Variants in INPP4A observed in about 807,000 individuals in gnomAD.
INPP4A encodes inositol polyphosphate-4-phosphatase, type I, 107kD.
INPP4A carries 33 observed loss-of-function variants against 119.8 expected under a neutral mutation model. The ratio of observed to expected loss-of-function variants is 0.28; its 90% CI spans 0.21 to 0.37. The LOEUF is 0.37. INPP4A is among the 10% of genes least tolerant of loss of function. The probability of loss-of-function intolerance (pLI) is 1.00; values close to 1 mark genes in which losing one functional copy is unlikely to be tolerated. For synonymous variants in INPP4A, 496 were observed against 500.7 expected, an observed-to-expected ratio of 0.99 and a Z score of 0.12; for missense variants, 956 against 1,289.9, an observed-to-expected ratio of 0.74 and a Z score of 3.97.
rs1700203330 is a variant in INPP4A at position 98,589,249 on chromosome 2, G to C, written c.*1641G>C. On this transcript the variant is annotated 3_prime_UTR_variant, in exon 25 of 25. Transcript: ENST00000409851. ...CCTGCCCGCCAAACCCACTGCACAG[G>C]TGGCTGCTGCTGGTATCAGATTCTC... The C allele has an allele frequency of 5.5e-6, 1 of 183,300 alleles. No individual in the cohort carries two copies. The highest frequency in any genetic ancestry group is 2.0e-4 in the South Asian group (1 of 5,112). 11.4% of individuals were successfully genotyped at this position (183,300 alleles called of 1,614,324 possible). A position where few individuals can be genotyped will look rare whatever the true frequency, so the allele number is the denominator to read the frequency against.
chr2:98,465,308 C>T (rs1674508900), intron 1 of INPP4A, among the ~76,000 whole-genome samples: 1 of 152,216 alleles, frequency 6.6e-6, no homozygotes, highest in African/African-American at 2.4e-5. Flanking sequence ...AGGGTAACAT[C>T]TTCTCTCCGT....
chr2:98,452,530 G>T (rs1224704724), intron 1 of INPP4A, among the ~76,000 whole-genome samples: 1 of 152,200 alleles, frequency 6.6e-6, no homozygotes, highest in Non-Finnish European at 1.5e-5. Context: ...CGGGGAGGAG[G>T]TTAGGTCCTA....
chr2:98,539,730 C>T (rs1691034189), intron 10 of INPP4A, 55 bp downstream of exon 10: 5 of 1,542,654 alleles, frequency 3.2e-6, no homozygotes, highest in Non-Finnish European at 4.4e-6. Context: ...TGTGCCCCTT[C>T]CTTTCTGAGA....
chr2:98,506,688 T>C (rs1364559438), intron 1 of INPP4A, among the ~76,000 whole-genome samples: 1 of 152,182 alleles, frequency 6.6e-6, no homozygotes, highest in Admixed American at 6.5e-5. Context: ...CTTGCTTGCA[T>C]TGGCAGCAGA....
At chr2:98,544,402 C>T (rs1428441607) in intron 11 of INPP4A, among the ~76,000 whole-genome samples, 1 of 152,208 alleles carries the variant, frequency 6.6e-6, no homozygotes, top group Non-Finnish European at 1.5e-5. Flanking sequence ...ATGTAGGCCA[C>T]TCGCCTTGAA....
At chr2:98,537,748 G>A in intron 7 of INPP4A, 115 bp from the exon 8 acceptor site, 1 of 727,722 alleles carries the variant, frequency 1.4e-6, no homozygotes, top group Non-Finnish European at 2.4e-6. Flanking sequence ...TGGTCAGTCA[G>A]CTCGGCCCTG....
At position 98,588,107 on chromosome 2, in the gene INPP4A, A is replaced by G. The variant is rs1700116939; in HGVS notation, c.*499A>G. ...TTATTTGGGGAAAGAAGCTAGCACT[A>G]TCTCATGCAGTGAGAATAACGGGTT... On this transcript the variant is annotated 3_prime_UTR_variant, in exon 25 of 25. Transcript: ENST00000409851. 4.7e-6 allele frequency: 1 copy of G among 212,482 alleles called. No homozygotes were observed. The highest frequency in any genetic ancestry group is 5.9e-5 in the Admixed American group (1 of 17,032). 13.2% of individuals were successfully genotyped at this position (212,482 alleles called of 1,614,324 possible). A position where few individuals can be genotyped will look rare whatever the true frequency, so the allele number is the denominator to read the frequency against.
intron 1 of INPP4A, among the ~76,000 whole-genome samples, chr2:98,494,161 C>T (rs1681431804): frequency 6.6e-6 from 1 of 152,176 alleles, no homozygotes; most frequent in Non-Finnish European, 1.5e-5. Flanking sequence ...AGACTGGGTT[C>T]CCTTTCCCCT....
intron 1 of INPP4A, among the ~76,000 whole-genome samples, chr2:98,458,271 G>A (rs1696507470): frequency 6.6e-6 from 1 of 152,030 alleles, no homozygotes; most frequent in African/African-American, 2.4e-5. Flanking sequence ...TTCAGCCCAG[G>A]AGTTCAAAGT....
At chr2:98,493,999 G>A (rs559270214) in intron 1 of INPP4A, among the ~76,000 whole-genome samples, 1 of 152,292 alleles carries the variant, frequency 6.6e-6, no homozygotes, top group African/African-American at 2.4e-5. Context: ...AGGGCATACA[G>A]CACATGAAGA....
In INPP4A at chr2:98,583,773, C is replaced by T. The variant is rs560669694; in HGVS notation, c.2787-3703C>T. 3.4e-4 allele frequency among the ~76,000 whole-genome samples: 52 copies of T among 152,346 alleles called. 2 individuals carry two copies. The highest frequency in any genetic ancestry group is 2.9e-3 in the Admixed American group (45 of 15,310). On this transcript the variant is annotated intron_variant, in intron 24 of 24. Coordinates refer to ENST00000409851, the MANE Select transcript of INPP4A (RefSeq NM_001134225.2). The stretch of plus-strand genomic sequence containing the variant: ...AGCGAGCGACCTCTCTTCATTATCT[C>T]TCCAGGACTCCCAGACCTTACCCCG...
chr2:98,444,959 C>A lies in INPP4A; in HGVS notation c.-292C>A. On this transcript the variant is annotated 5_prime_UTR_variant, in exon 1 of 25. Transcript: ENST00000409851. ...CCGTGGGCCGGGGCAGGAGGACCAG[C>A]ACCTGAGGCCGGGCCCGCAGCCCGC... 6.6e-6 allele frequency: 1 copy of A among 150,648 alleles called. No homozygotes were observed. Among genetic ancestry groups the A allele is most frequent in the Non-Finnish European group, 1.5e-5 (1 of 67,430 alleles). The allele number at this position is 150,648 out of a possible 1,614,324, so 9.3% of individuals were successfully genotyped here. A position where few individuals can be genotyped will look rare whatever the true frequency, so the allele number is the denominator to read the frequency against.
At position 98,550,255 on chromosome 2, in the gene INPP4A, G is replaced by A. The variant is rs529769661; in HGVS notation, c.1164-2531G>A. Among the ~76,000 whole-genome samples, 8 of 152,220 alleles carry A rather than the reference G, an allele frequency of 5.3e-5. No individual in the cohort carries two copies. In the East Asian group the frequency reaches 1.2e-3, roughly 22 times the overall value. On this transcript the variant is annotated intron_variant, in intron 13 of 24. Coordinates refer to ENST00000409851, the MANE Select transcript of INPP4A (RefSeq NM_001134225.2). Reference sequence around the variant, plus strand: ...CCCTGAAGCAGGGAGGGGATGGAGCGGGGAGGGTTACAGGCAGAAGGAGTG... The same window carrying A: ...CCCTGAAGCAGGGAGGGGATGGAGCAGGGAGGGTTACAGGCAGAAGGAGTG...
intron 1 of INPP4A, among the ~76,000 whole-genome samples, chr2:98,464,800 C>T (rs898055937): frequency 6.6e-6 from 1 of 152,208 alleles, no homozygotes; most frequent in African/African-American, 2.4e-5. Context: ...GAAGACAAGG[C>T]CTGTGGCAGT....
intron 1 of INPP4A, among the ~76,000 whole-genome samples, chr2:98,469,500 A>C (rs77238409): frequency 7.6e-6 from 1 of 130,894 alleles, no homozygotes; most frequent in African/African-American, 2.8e-5. Context: ...ACTCCGTCTC[A>C]AAAAAAAAAA....
chr2:98,587,415 T>C, intron 24 of INPP4A, 61 bp from the exon 25 acceptor site: 7 of 1,466,632 alleles, frequency 4.8e-6, no homozygotes, highest in Non-Finnish European at 6.4e-6. Context: ...TCATCTTAGT[T>C]TAAGTCTTTT....
chr2:98,534,614 G>A (rs2105930469), intron 5 of INPP4A, among the ~76,000 whole-genome samples: 1 of 152,320 alleles, frequency 6.6e-6, no homozygotes, highest in Admixed American at 6.5e-5. Context: ...GATCATGCAG[G>A]TTTGGGGTCT....
intron 16 of INPP4A, among the ~76,000 whole-genome samples, chr2:98,559,112 C>G (rs1695002253): frequency 6.6e-6 from 1 of 152,202 alleles, no homozygotes; most frequent in African/African-American, 2.4e-5. Context: ...CGGGGCTCTG[C>G]CACTACAATG....
rs571357419 is a variant in INPP4A at position 98,506,823 on chromosome 2, T to G, written c.-165-12141T>G. Among the ~76,000 whole-genome samples, 4 of 152,278 alleles carry G rather than the reference T, an allele frequency of 2.6e-5. No homozygotes were observed. In the East Asian group the frequency reaches 7.7e-4, roughly 29 times the overall value. On this transcript the variant is annotated intron_variant, in intron 1 of 24. Coordinates refer to ENST00000409851, the MANE Select transcript of INPP4A (RefSeq NM_001134225.2). ...CTTTGCCTCCTGGAGTGGCCCACAA[T>G]GCGGGCACTCCCCTGTGGCAGGGAG...
Sources: allele counts gnomAD v4.1 joint callset (sites outside exome capture counted in the v4.1 genomes callset), GRCh38; gene constraint gnomAD v4.1.1; transcripts MANE v1.5; gene names NCBI Gene and HGNC (gene_info 2026-07-23, HGNC 2026-07-21).